AMPH: variants seen among roughly 807,000 people sequenced by gnomAD.
AMPH encodes amphiphysin (Stiff-Mann syndrome with breast cancer 128kD autoantigen).
In AMPH, 49 loss-of-function variants were observed where a neutral mutation model predicts 99.1. The ratio of observed to expected loss-of-function variants is 0.49; its 90% CI spans 0.39 to 0.63. The LOEUF is 0.63. Among genes scored for constraint, AMPH ranks in the 20% least tolerant of loss-of-function variants. The pLI, the probability that AMPH is intolerant of heterozygous loss-of-function variation, is 0.00. For synonymous variants in AMPH, 314 were observed against 317.3 expected (o/e 0.99, Z 0.11); for missense variants, 759 against 863.4 (o/e 0.88, Z 1.52).
At chr7:38,619,486 G>A (rs867381167) in intron 1 of AMPH, among the ~76,000 whole-genome samples, 1 of 152,130 alleles carries the variant, frequency 6.6e-6, no homozygotes. Context: ...ATAATGGATA[G>A]AACATCTAGA....
intron 2 of AMPH, among the ~76,000 whole-genome samples, chr7:38,518,486 G>A (rs1789834300): frequency 6.6e-6 from 1 of 152,200 alleles, no homozygotes; most frequent in South Asian, 2.1e-4. Context: ...CGGTAAATGG[G>A]ATATAGAGTC....
intron 1 of AMPH, among the ~76,000 whole-genome samples, chr7:38,569,023 G>A (rs1302391728): frequency 6.6e-6 from 1 of 152,124 alleles, no homozygotes; most frequent in Non-Finnish European, 1.5e-5. Context: ...TCAGAAACCA[G>A]GTTCCTCCAA....
chr7:38,462,949 C>G, intron 10 of AMPH, 26 bp downstream of exon 10: 1 of 1,530,234 alleles, frequency 6.5e-7, no homozygotes, highest in Non-Finnish European at 8.8e-7. Context: ...GAGCTCTATC[C>G]CCCAATATAT....
intron 12 of AMPH, among the ~76,000 whole-genome samples, 190 bp from the exon 13 acceptor site, chr7:38,432,402 A>T (rs6979920): frequency 0.13 from 19,749 of 152,216 alleles, 1,522 homozygotes; most frequent in East Asian, 0.27. Flanking sequence ...CACCAGTCAC[A>T]TGTGGCTATT....
chr7:38,515,824 G>A (rs1321754973), intron 2 of AMPH, among the ~76,000 whole-genome samples: 1 of 152,200 alleles, frequency 6.6e-6, no homozygotes, highest in Non-Finnish European at 1.5e-5. Context: ...TGAAGTCCAG[G>A]CTGAGGAGGT....
At chr7:38,591,444 T>C (rs1458415054) in intron 1 of AMPH, among the ~76,000 whole-genome samples, 2 of 152,062 alleles carry the variant, frequency 1.3e-5, no homozygotes, top group Non-Finnish European at 2.9e-5. Flanking sequence ...TGCGCCACCA[T>C]GCCCGGCTAA....
chr7:38,470,454 G>T (rs2129012278), intron 7 of AMPH, among the ~76,000 whole-genome samples: 1 of 152,150 alleles, frequency 6.6e-6, no homozygotes, highest in African/African-American at 2.4e-5. Flanking sequence ...TATTGTAAAT[G>T]ATAGTCCTGG....
chr7:38,563,757 G>C (rs1165300578), intron 1 of AMPH, among the ~76,000 whole-genome samples: 1 of 152,108 alleles, frequency 6.6e-6, no homozygotes, highest in Admixed American at 6.5e-5. Context: ...ACCAAAACAT[G>C]GAAAGTCTAA....
At chr7:38,581,216 A>T (rs1234097837) in intron 1 of AMPH, among the ~76,000 whole-genome samples, 1 of 152,214 alleles carries the variant, frequency 6.6e-6, no homozygotes, top group East Asian at 1.9e-4. Context: ...TGGCAAAAAA[A>T]AGTGCCAGGG....
At chr7:38,619,834 A>T (rs1348294245) in intron 1 of AMPH, among the ~76,000 whole-genome samples, 1 of 152,216 alleles carries the variant, frequency 6.6e-6, no homozygotes, top group Non-Finnish European at 1.5e-5. Context: ...AAAGGGATGG[A>T]AACAGAACTC....
intron 17 of AMPH, 74 bp downstream of exon 17, chr7:38,417,751 G>T: frequency 6.4e-7 from 1 of 1,563,666 alleles, no homozygotes; most frequent in South Asian, 1.2e-5. Flanking sequence ...AGATGAGAGC[G>T]ATGCATATGG....
chr7:38,540,692 CAAAAAAAA>C (rs373768495), intron 1 of AMPH, among the ~76,000 whole-genome samples: 24 of 19,764 alleles, frequency 1.2e-3, no homozygotes, highest in African/African-American at 3.0e-3. Context: ...TGACCCCAAG[CAAAAAAAA>C]AAAAAAAAAA....
At chr7:38,508,231 A>G (rs913475564) in intron 2 of AMPH, among the ~76,000 whole-genome samples, 2 of 152,192 alleles carry the variant, frequency 1.3e-5, no homozygotes, top group African/African-American at 4.8e-5. Flanking sequence ...TACCATGTGC[A>G]TGACACCCCG....
chr7:38,615,216 T>C (rs1474622700), intron 1 of AMPH, among the ~76,000 whole-genome samples: 1 of 152,184 alleles, frequency 6.6e-6, no homozygotes, highest in African/African-American at 2.4e-5. Context: ...AGTCTGTTCA[T>C]CTGTAAGATA....
At chr7:38,594,821 A>C (rs1016874191) in intron 1 of AMPH, among the ~76,000 whole-genome samples, 5 of 152,212 alleles carry the variant, frequency 3.3e-5, no homozygotes, top group African/African-American at 1.2e-4. Context: ...TGCTTATTCT[A>C]AATTATTTCT....
At chr7:38,408,233 C>A (rs1445943585) in intron 17 of AMPH, among the ~76,000 whole-genome samples, 1 of 152,126 alleles carries the variant, frequency 6.6e-6, no homozygotes, top group Non-Finnish European at 1.5e-5. Context: ...TCTTTGGTTC[C>A]CAAGTGATGT....
intron 1 of AMPH, among the ~76,000 whole-genome samples, chr7:38,611,043 A>G (rs1429356758): frequency 6.6e-6 from 1 of 152,256 alleles, no homozygotes; most frequent in East Asian, 1.9e-4. Flanking sequence ...ATTATTCACA[A>G]TAGACAAGAG....
At chr7:38,447,044 A>C (rs1451629422) in intron 11 of AMPH, among the ~76,000 whole-genome samples, 3 of 151,654 alleles carry the variant, frequency 2.0e-5, no homozygotes, top group Admixed American at 6.6e-5. Flanking sequence ...TTTGAGACGG[A>C]GTTTCACTCT....
At chr7:38,447,779 C>A (rs28372414) in intron 11 of AMPH, among the ~76,000 whole-genome samples, 9,660 of 150,112 alleles carry the variant, frequency 0.064, 834 homozygotes, top group African/African-American at 0.18. Context: ...CACACACACA[C>A]CCATACACAA....
Sources: allele counts gnomAD v4.1 joint callset (sites outside exome capture counted in the v4.1 genomes callset), GRCh38; gene constraint gnomAD v4.1.1; transcripts MANE v1.5; gene names NCBI Gene and HGNC (gene_info 2026-07-23, HGNC 2026-07-21).